SDAD1: variants seen among roughly 807,000 people sequenced by gnomAD.
SDAD1 encodes protein SDA1 homolog.
Under a neutral mutation model 100.3 loss-of-function variants are expected in SDAD1, and 79 were observed. That is an observed-to-expected ratio of 0.79 (90% CI 0.66 to 0.95). The LOEUF (loss-of-function observed/expected upper bound fraction) is 0.95, where lower values mean the gene tolerates loss of function less well. Among genes scored for constraint, SDAD1 ranks in the 40% least tolerant of loss-of-function variants. The pLI is 0.00. For synonymous variants in SDAD1, 267 were observed against 271.4 expected, an observed-to-expected ratio of 0.98 and a Z score of 0.16; for missense variants, 790 against 810.9, an observed-to-expected ratio of 0.97 and a Z score of 0.31.
chr4:75,983,353 T>G (rs1314997178), intron 1 of SDAD1, among the ~76,000 whole-genome samples: 1 of 152,248 alleles, frequency 6.6e-6, no homozygotes, highest in Non-Finnish European at 1.5e-5. Context: ...TTCTAGATCC[T>G]TGAGGAATTG....
chr4:75,988,904 TG>T (rs1731066710), intron 1 of SDAD1, among the ~76,000 whole-genome samples: 1 of 152,192 alleles, frequency 6.6e-6, no homozygotes, highest in Admixed American at 6.5e-5. Context: ...ATAATTCCAA[TG>T]ACACCACAAT....
chr4:75,951,932 C>T (rs537214516), intron 21 of SDAD1, among the ~76,000 whole-genome samples: 4 of 152,146 alleles, frequency 2.6e-5, no homozygotes, highest in Non-Finnish European at 1.5e-5. Flanking sequence ...TAAATTTTAA[C>T]AAGATACACC....
chr4:75,957,683 A>G lies in SDAD1; in HGVS notation c.1604T>C (p.Met535Thr), dbSNP rs114534142. The change falls in exon 19 of 22, where the codon ATG (methionine) becomes ACG (threonine). Residue 535 changes from methionine (M) to threonine (T), a missense_variant. Transcript: ENST00000356260. ...TGCAGCTTTGGCCTTCCGCTCCTCC[A>G]TGGGCATGCTGTTCAGCTTCTTGGA... ...EISKKLNSMP[M>T]EERKAKAAAI... 5.0e-3 allele frequency: 8,114 copies of G among 1,614,188 alleles called. 51 individuals are homozygous for G. The highest frequency in any genetic ancestry group is 5.0e-3 in the Non-Finnish European group (5,946 of 1,180,028).
chr4:75,950,952 A>T (rs975043546), intron 21 of SDAD1, among the ~76,000 whole-genome samples, 155 bp from the exon 22 acceptor site: 3 of 152,234 alleles, frequency 2.0e-5, no homozygotes, highest in African/African-American at 7.2e-5. Flanking sequence ...ATCACATCTG[A>T]ATCGAGGATG....
chr4:75,965,649 GA>G, intron 13 of SDAD1, 114 bp downstream of exon 13: 3 of 834,748 alleles, frequency 3.6e-6, no homozygotes, highest in Admixed American at 2.2e-5. Context: ...ACAAGAAATA[GA>G]AAAAAACCCA....
chr4:75,977,831 A>G, intron 3 of SDAD1, 75 bp from the exon 4 acceptor site: 1 of 853,982 alleles, frequency 1.2e-6, no homozygotes, highest in East Asian at 2.4e-5. Context: ...TATATGTCCC[A>G]AGACCTTAAT....
At chr4:75,955,563 C>A (rs1235866163) in intron 21 of SDAD1, among the ~76,000 whole-genome samples, 2 of 152,078 alleles carry the variant, frequency 1.3e-5, no homozygotes, top group African/African-American at 4.8e-5. Context: ...AGAGTGAGAC[C>A]CTGTCTCAGA....
intron 1 of SDAD1, among the ~76,000 whole-genome samples, chr4:75,990,283 C>T (rs904819997): frequency 6.0e-5 from 9 of 149,744 alleles, no homozygotes; most frequent in East Asian, 3.9e-4. Context: ...AACCCCCCCC[C>T]CCCCTTTCCT....
chr4:75,970,183 C>A, intron 10 of SDAD1, 126 bp downstream of exon 10: 2 of 728,962 alleles, frequency 2.7e-6, no homozygotes, highest in Non-Finnish European at 2.3e-6. Context: ...CAACTAGTAA[C>A]AACTAAGCAT....
chr4:75,953,875 A>G (rs1450521161), intron 21 of SDAD1, among the ~76,000 whole-genome samples: 3 of 152,222 alleles, frequency 2.0e-5, no homozygotes, highest in African/African-American at 4.8e-5. Context: ...ATCACAATGA[A>G]TAACTGAAAT....
chr4:75,958,611 T>C lies in SDAD1; in HGVS notation c.1484-670A>G, dbSNP rs142906859. Among the ~76,000 whole-genome samples, 893 of 152,268 alleles carry C rather than the reference T, an allele frequency of 5.9e-3. 21 individuals carry two copies. The highest frequency in any genetic ancestry group is 0.02 in the African/African-American group (846 of 41,534). ...TGTCTGGCATATACATAACCAAGTATGAAAAGGTCACCAAACTCTATCTCA... is the reference window on the plus strand; with the variant it reads ...TGTCTGGCATATACATAACCAAGTACGAAAAGGTCACCAAACTCTATCTCA... On this transcript the variant is annotated intron_variant, in intron 17 of 21. Coordinates refer to ENST00000356260, the MANE Select transcript of SDAD1 (RefSeq NM_018115.4).
chr4:75,977,780 A>ATTGTCTTATGG, intron 3 of SDAD1, 24 bp from the exon 4 acceptor site: 2 of 1,392,678 alleles, frequency 1.4e-6, no homozygotes, highest in Non-Finnish European at 2.0e-6. Flanking sequence ...AAAACATACC[A>ATTGTCTTATGG]TAAGACAATG....
chr4:75,986,620 T>C (rs1730910525), intron 1 of SDAD1, among the ~76,000 whole-genome samples: 1 of 152,182 alleles, frequency 6.6e-6, no homozygotes, highest in Admixed American at 6.5e-5. Flanking sequence ...AGGTCTTTGC[T>C]TCACTAGTCC....
rs1458300561 is a variant in SDAD1, at chr4:75,974,139, G to C, written c.579-6C>G. ...TGACAGTTTTTGCATCATTCCTGGGGGAAGACAATGAATGCTTTGAAGTAA... is the reference window on the plus strand; with the variant it reads ...TGACAGTTTTTGCATCATTCCTGGGCGAAGACAATGAATGCTTTGAAGTAA... On this transcript the variant is annotated splice_region_variant and splice_polypyrimidine_tract_variant and intron_variant, in intron 6 of 21. Coordinates refer to ENST00000356260, the MANE Select transcript of SDAD1 (RefSeq NM_018115.4). 1 of 1,612,346 alleles carries C rather than the reference G, an allele frequency of 6.2e-7. No individual in the cohort carries two copies. Among genetic ancestry groups the C allele is most frequent in the Non-Finnish European group, 8.5e-7 (1 of 1,178,788 alleles).
chr4:75,957,921 G>C lies in SDAD1; in HGVS notation c.1504C>G (p.Leu502Val). 6.2e-7 allele frequency: 1 copy of C among 1,612,808 alleles called. No homozygotes were observed. The highest frequency in any genetic ancestry group is 1.7e-5 in the Admixed American group (1 of 60,014). The change falls in exon 18 of 22, where the codon CTC (leucine) becomes GTC (valine). Residue 502 changes from leucine (L) to valine (V), a missense_variant. Physicochemically the swap from Leu to Val is conservative, Grantham distance 32. Transcript: ENST00000356260. The part of the protein sequence containing the change: ...NDEDGWESTS[L>V]SEEEDADGEW... The stretch of plus-strand genomic sequence containing the variant: ...CCATCAGCATCCTCCTCCTCACTGA[G>C]ACTGGTACTTTCCCATCCATCTGCG...
chr4:75,957,973 T>C (rs762838675), intron 17 of SDAD1, 32 bp from the exon 18 acceptor site: 1 of 1,542,078 alleles, frequency 6.5e-7, no homozygotes, highest in South Asian at 1.1e-5. Context: ...ACTACTGCCA[T>C]TTTATGTTGC....
rs763127904 is a variant in SDAD1, at chr4:75,975,804, T to C, written c.518A>G (p.Asn173Ser). 83 of 1,613,928 alleles carry C rather than the reference T, an allele frequency of 5.1e-5. No individual in the cohort carries two copies. Among genetic ancestry groups the C allele is most frequent in the Middle Eastern group, 1.6e-4 (1 of 6,082 alleles). ...TAAAGACATCTTGGCTGCGGTTGCA[T>C]TGCTATCTCTTAACATGGTGTACAT... is the stretch of plus-strand genomic sequence containing the variant. ...NFMYTMLRDS[N>S]ATAAKMSLDV... The change falls in exon 6 of 22, where the codon AAT becomes AGT. Residue 173 changes from asparagine to serine, a missense_variant. Transcript: ENST00000356260.
chr4:75,975,361 G>T (rs757607107), intron 6 of SDAD1, among the ~76,000 whole-genome samples: 5 of 152,210 alleles, frequency 3.3e-5, no homozygotes, highest in African/African-American at 7.2e-5. Flanking sequence ...CAGAGCGGCA[G>T]AAGAGAGAGC....
chr4:75,957,247 G>C, intron 20 of SDAD1, 78 bp downstream of exon 20: 2 of 1,198,900 alleles, frequency 1.7e-6, no homozygotes, highest in Middle Eastern at 2.5e-4. Context: ...TTGCCATTCT[G>C]TGGCTATACA....
Sources: allele counts gnomAD v4.1 joint callset (sites outside exome capture counted in the v4.1 genomes callset), GRCh38; gene constraint gnomAD v4.1.1; transcripts MANE v1.5; gene names NCBI Gene and HGNC (gene_info 2026-07-23, HGNC 2026-07-21).